PDE6C: variants seen among roughly 807,000 people sequenced by gnomAD.
The protein encoded by PDE6C is phosphodiesterase 6C, also known as cone cGMP-specific 3',5'-cyclic phosphodiesterase subunit alpha'.
PDE6C carries 75 observed loss-of-function variants against 113.1 expected under a neutral mutation model. The ratio of observed to expected loss-of-function variants is 0.66; its 90% CI spans 0.55 to 0.80. The LOEUF (loss-of-function observed/expected upper bound fraction) is 0.80, where lower values mean the gene tolerates loss of function less well. Ranked by LOEUF, PDE6C falls within the 30% of genes least tolerant of loss-of-function variation. The pLI is 0.00. For missense variants in PDE6C, 912 were observed against 1,038.6 expected, an observed-to-expected ratio of 0.88 and a Z score of 1.67; for synonymous variants, 375 against 363.7, an observed-to-expected ratio of 1.03 and a Z score of -0.35.
At chr10:93,617,435 A>G (rs2058425314) in intron 1 of PDE6C, among the ~76,000 whole-genome samples, 1 of 152,218 alleles carries the variant, frequency 6.6e-6, no homozygotes, top group Non-Finnish European at 1.5e-5. Flanking sequence ...AATCTGGAAT[A>G]AAATGGCATT....
chr10:93,652,655 A>G (rs2058614511), intron 15 of PDE6C, among the ~76,000 whole-genome samples: 1 of 152,210 alleles, frequency 6.6e-6, no homozygotes, highest in Non-Finnish European at 1.5e-5. Flanking sequence ...TTGGATTGGA[A>G]AAAGGTATAA....
rs143624603 is a variant in PDE6C, at chr10:93,630,813, T to C, written c.1119+1508T>C. 4.1e-3 allele frequency among the ~76,000 whole-genome samples: 627 copies of C among 152,286 alleles called. 2 individuals are homozygous for C. The highest frequency in any genetic ancestry group is 0.01 in the Middle Eastern group (3 of 294). On this transcript the variant is annotated intron_variant, in intron 8 of 21. Transcript: ENST00000371447. Reference sequence around the variant, plus strand: ...TTCGTTACGTGCATCTGCCTGCTCCTCCCTTTGCCGATTGACATGGAAAAC... The same window carrying C: ...TTCGTTACGTGCATCTGCCTGCTCCCCCCTTTGCCGATTGACATGGAAAAC...
At chr10:93,628,486 G>A (rs1486186876) in intron 7 of PDE6C, among the ~76,000 whole-genome samples, 12 of 152,150 alleles carry the variant, frequency 7.9e-5, no homozygotes, top group Non-Finnish European at 4.4e-5. Flanking sequence ...TTGGGAGGCT[G>A]AGGCAGGAGA....
chr10:93,613,828 C>T (rs1706746256), intron 1 of PDE6C, among the ~76,000 whole-genome samples: 2 of 152,224 alleles, frequency 1.3e-5, no homozygotes, highest in Admixed American at 6.5e-5. Context: ...ACTCCCACTG[C>T]TCCATAACCC....
At chr10:93,655,626 A>G (rs2058633688) in intron 15 of PDE6C, 134 bp from the exon 16 acceptor site, 1 of 557,028 alleles carries the variant, frequency 1.8e-6, no homozygotes. Flanking sequence ...AAAAAAAAAA[A>G]AAGGAAGGAA....
At chr10:93,648,804 C>T (rs1284846723) in intron 15 of PDE6C, among the ~76,000 whole-genome samples, 1 of 152,154 alleles carries the variant, frequency 6.6e-6, no homozygotes, top group African/African-American at 2.4e-5. Context: ...TATTGCTCAG[C>T]ATAAATAACA....
At chr10:93,657,171 TG>T (rs2058641724) in intron 16 of PDE6C, among the ~76,000 whole-genome samples, 1 of 151,590 alleles carries the variant, frequency 6.6e-6, no homozygotes, top group Non-Finnish European at 1.5e-5. Flanking sequence ...TTTGGTTTCT[TG>T]GTTTTTTTGC....
intron 8 of PDE6C, 65 bp from the exon 9 acceptor site, chr10:93,634,693 T>C: frequency 6.5e-7 from 1 of 1,529,280 alleles, no homozygotes; most frequent in Non-Finnish European, 9.0e-7. Flanking sequence ...TAATATCCTG[T>C]GAATTTATGA....
At chr10:93,630,425 C>G (rs1233966306) in intron 8 of PDE6C, among the ~76,000 whole-genome samples, 1 of 151,120 alleles carries the variant, frequency 6.6e-6, no homozygotes, top group African/African-American at 2.4e-5. Context: ...CTGCCACTCC[C>G]TTCTCTACCT....
intron 15 of PDE6C, among the ~76,000 whole-genome samples, chr10:93,647,011 C>T (rs918315552): frequency 2.0e-5 from 3 of 152,174 alleles, no homozygotes; most frequent in Non-Finnish European, 2.9e-5. Context: ...TCTGCAGGAG[C>T]GGCTCAGCCC....
chr10:93,613,081 C>T lies in PDE6C; in HGVS notation c.356C>T (p.Pro119Leu), dbSNP rs142772345. The T allele has an allele frequency of 4.2e-5, 68 of 1,614,064 alleles. No individual in the cohort carries two copies. The highest frequency in any genetic ancestry group is 5.1e-5 in the Non-Finnish European group (60 of 1,180,034). The change falls in exon 1 of 22, where the codon CCC becomes CTC. Residue 119 changes from proline (P) to leucine (L), a missense_variant. Pro to Leu is a moderately conservative substitution (Grantham distance 98). Coordinates refer to ENST00000371447, the MANE Select transcript of PDE6C (RefSeq NM_006204.4). ...GCCTCTAGGTTGCTGGATGTCACCC[C>T]CACCTCCAAGTTTGAGGACAACCTG... is the stretch of plus-strand genomic sequence containing the variant. Reference protein sequence around the residue: ...EVASRLLDVTPTSKFEDNLVG... With the variant: ...EVASRLLDVTLTSKFEDNLVG...
rs67350128 is a variant in PDE6C at position 93,622,639 on chromosome 10, G to GT, written c.864+577dup. Reference sequence around the variant, plus strand: ...CCTTCCAAACTCCTGGTAGCCACAGGTTTTTTTTTTGTTTTTTTTTTTGTT... The same window carrying GT: ...CCTTCCAAACTCCTGGTAGCCACAGGTTTTTTTTTTTGTTTTTTTTTTTGTT... On this transcript the variant is annotated intron_variant, in intron 4 of 21. Transcript: ENST00000371447. Among the ~76,000 whole-genome samples the GT allele has an allele frequency of 5.7e-4, 65 of 113,954 alleles. 4 individuals carry two copies. The highest frequency in any genetic ancestry group is 2.0e-3 in the African/African-American group (54 of 26,732). The allele number at this position is 113,954 out of a possible 152,430, so 74.8% of individuals were successfully genotyped here. A position where few individuals can be genotyped will look rare whatever the true frequency, so the allele number is the denominator to read the frequency against.
intron 11 of PDE6C, among the ~76,000 whole-genome samples, chr10:93,638,272 C>G (rs1017792757): frequency 6.6e-6 from 1 of 152,180 alleles, no homozygotes; most frequent in African/African-American, 2.4e-5. Flanking sequence ...TGGGCTCTGT[C>G]CTCCCACCCA....
At chr10:93,656,032 A>C (rs1208716744) in intron 16 of PDE6C, among the ~76,000 whole-genome samples, 172 bp downstream of exon 16, 1 of 152,190 alleles carries the variant, frequency 6.6e-6, no homozygotes, top group East Asian at 1.9e-4. Flanking sequence ...TACCAAGTAG[A>C]GTATCTTCAA....
intron 9 of PDE6C, 84 bp from the exon 10 acceptor site, chr10:93,635,413 G>A: frequency 9.7e-7 from 1 of 1,027,618 alleles, no homozygotes; most frequent in Non-Finnish European, 1.5e-6. Context: ...GAAGGGAGAT[G>A]GATAGAAAAG....
intron 9 of PDE6C, 36 bp from the exon 10 acceptor site, chr10:93,635,461 C>G (rs1193735838): frequency 6.3e-7 from 1 of 1,592,104 alleles, no homozygotes; most frequent in African/African-American, 1.3e-5. Context: ...TTTTCTTTCA[C>G]TGAAGAGAAT....
intron 7 of PDE6C, among the ~76,000 whole-genome samples, chr10:93,628,884 A>G (rs546084547): frequency 6.6e-6 from 1 of 152,210 alleles, no homozygotes; most frequent in East Asian, 1.9e-4. Context: ...AGGAAGAAGA[A>G]GAAGAAGAAA....
At position 93,620,508 on chromosome 10, in the gene PDE6C, T is replaced by C. The variant is rs1009159692; in HGVS notation, c.481-124T>C. 19 of 957,134 alleles carry C rather than the reference T, an allele frequency of 2.0e-5. No individual in the cohort carries two copies. In the African/African-American group the frequency reaches 2.2e-4, roughly 11 times the overall value. The allele number at this position is 957,134 out of a possible 1,614,324, so 59.3% of individuals were successfully genotyped here. A position where few individuals can be genotyped will look rare whatever the true frequency, so the allele number is the denominator to read the frequency against. Reference sequence around the variant, plus strand: ...AGTGGGATTGTTTACTGGGGACCACTGTACTGGAGCCCTGGTTATCTGTTG... The same window carrying C: ...AGTGGGATTGTTTACTGGGGACCACCGTACTGGAGCCCTGGTTATCTGTTG... On this transcript the variant is annotated intron_variant, in intron 1 of 21. Coordinates refer to ENST00000371447, the MANE Select transcript of PDE6C (RefSeq NM_006204.4).
intron 15 of PDE6C, among the ~76,000 whole-genome samples, chr10:93,649,745 T>C (rs7476647): frequency 0.46 from 70,508 of 151,862 alleles, 17,335 homozygotes; most frequent in Non-Finnish European, 0.54. Flanking sequence ...GCTAGGATTA[T>C]AGGCATGCAC....
Sources: gnomAD v4.1 joint callset for allele counts (sites outside exome capture counted in the v4.1 genomes callset) on GRCh38, gnomAD v4.1.1 for gene constraint, MANE v1.5 for transcripts, NCBI Gene and HGNC (gene_info 2026-07-23, HGNC 2026-07-21) for gene names.